CHRDL1: variants seen among roughly 807,000 people sequenced by gnomAD.
CHRDL1 encodes the protein chordin like 1, also known as chordin-like protein 1.
In CHRDL1, 19 loss-of-function variants were observed where a neutral mutation model predicts 40.9. The ratio of observed to expected loss-of-function variants is 0.46; its 90% CI spans 0.32 to 0.68. The LOEUF (loss-of-function observed/expected upper bound fraction) is 0.68. Ranked by LOEUF, CHRDL1 falls within the 30% of genes least tolerant of loss-of-function variation. The pLI is 0.03. For missense variants in CHRDL1, 329 were observed against 352.1 expected, an observed-to-expected ratio of 0.93 and a Z score of 0.53; for synonymous variants, 136 against 123.4, an observed-to-expected ratio of 1.10 and a Z score of -0.68.
rs1379917914 is a variant in CHRDL1, at chrX:110,676,184, CA to C, written c.*46del. 8.5e-7 allele frequency: 1 copy of C among 1,171,294 alleles called. No individual in the cohort carries two copies. The highest frequency in any genetic ancestry group is 1.1e-6 in the Non-Finnish European group (1 of 871,937). On this transcript the variant is annotated 3_prime_UTR_variant, in exon 12 of 12. Coordinates refer to ENST00000372042, the MANE Select transcript of CHRDL1 (RefSeq NM_001143981.2). The stretch of plus-strand genomic sequence containing the variant: ...GCAAAATAAGCCTGCAGTCCAGCTG[CA>C]GCTTGAGTTTTCTTGCTTTACCCTA...
intron 4 of CHRDL1, among the ~76,000 whole-genome samples, chrX:110,728,228 T>C (rs1441957516): frequency 9.5e-6 from 1 of 104,981 alleles, no homozygotes; most frequent in Non-Finnish European, 1.9e-5. Context: ...AAGATAAGAA[T>C]TGGGTGAGTG....
chrX:110,747,749 C>A (rs1160442430), intron 4 of CHRDL1, among the ~76,000 whole-genome samples: 1 of 112,399 alleles, frequency 8.9e-6, no homozygotes, highest in East Asian at 2.8e-4. Flanking sequence ...AGCACCACCC[C>A]CCAATGGAGG....
At chrX:110,767,099 A>T (rs188461136) in intron 2 of CHRDL1, among the ~76,000 whole-genome samples, 149 of 112,430 alleles carry the variant, frequency 1.3e-3, no homozygotes, top group African/African-American at 4.7e-3. Flanking sequence ...TCACATGATC[A>T]TCTCAATAGA....
At chrX:110,717,411 T>A (rs187697677) in intron 6 of CHRDL1, among the ~76,000 whole-genome samples, 2 of 111,961 alleles carry the variant, frequency 1.8e-5, no homozygotes, top group East Asian at 5.6e-4. Context: ...TAACTTGAGG[T>A]TAGACCATGA....
chrX:110,761,703 T>A (rs2089566724), intron 3 of CHRDL1, among the ~76,000 whole-genome samples: 2 of 111,956 alleles, frequency 1.8e-5, no homozygotes, highest in African/African-American at 6.5e-5. Flanking sequence ...CAAACAAATA[T>A]CTATAGTGCA....
chrX:110,791,782 T>C (rs1037545831), intron 2 of CHRDL1, among the ~76,000 whole-genome samples: 1 of 112,269 alleles, frequency 8.9e-6, no homozygotes, highest in Non-Finnish European at 1.9e-5. Flanking sequence ...CAGATATTTC[T>C]AGAGTTACGT....
At chrX:110,739,266 A>C (rs1348215364) in intron 4 of CHRDL1, among the ~76,000 whole-genome samples, 1 of 111,802 alleles carries the variant, frequency 8.9e-6, no homozygotes, top group Non-Finnish European at 1.9e-5. Flanking sequence ...CAAGACAAGT[A>C]TGCAGCGGAA....
chrX:110,776,956 G>A (rs1440351147), intron 2 of CHRDL1, among the ~76,000 whole-genome samples: 1 of 111,057 alleles, frequency 9.0e-6, no homozygotes, highest in Non-Finnish European at 1.9e-5. Flanking sequence ...GTATCAAAGA[G>A]AGCAATTTTA....
intron 6 of CHRDL1, 138 bp downstream of exon 6, chrX:110,719,697 T>C (rs1378215163): frequency 3.0e-6 from 1 of 335,839 alleles, no homozygotes; most frequent in Non-Finnish European, 5.2e-6. Context: ...TTCCCTTTGT[T>C]AATTAAACCA....
chrX:110,759,309 G>A (rs2089516495), intron 4 of CHRDL1, among the ~76,000 whole-genome samples: 1 of 112,000 alleles, frequency 8.9e-6, no homozygotes, highest in Admixed American at 9.4e-5. Context: ...AATTGTATAA[G>A]ACACATGCCG....
At chrX:110,725,660 T>A (rs1193519211) in intron 4 of CHRDL1, among the ~76,000 whole-genome samples, 1 of 111,942 alleles carries the variant, frequency 8.9e-6, no homozygotes, top group African/African-American at 3.2e-5. Flanking sequence ...AGTTCTTGGA[T>A]AGTCAGAAAA....
chrX:110,789,677 T>C (rs2090069047), intron 2 of CHRDL1, among the ~76,000 whole-genome samples: 1 of 111,914 alleles, frequency 8.9e-6, no homozygotes, highest in African/African-American at 3.2e-5. Flanking sequence ...TATCCTATTT[T>C]TGTAAAATAA....
chrX:110,683,556 A>C (rs1222827462), intron 9 of CHRDL1, among the ~76,000 whole-genome samples: 1 of 112,149 alleles, frequency 8.9e-6, no homozygotes, highest in Admixed American at 9.5e-5. Flanking sequence ...GGAGTATGTA[A>C]TTATGGAAAT....
chrX:110,762,321 T>C lies in CHRDL1; in HGVS notation c.207+374A>G, dbSNP rs757043665. ...AGATAGGGTCTTGTTCTGTCAACCATGCTGGAGTGCAGTGGTATAATCTCG... is the reference window on the plus strand; with the variant it reads ...AGATAGGGTCTTGTTCTGTCAACCACGCTGGAGTGCAGTGGTATAATCTCG... On this transcript the variant is annotated intron_variant, in intron 3 of 11. Coordinates refer to ENST00000372042, the MANE Select transcript of CHRDL1 (RefSeq NM_001143981.2). 2.7e-5 allele frequency among the ~76,000 whole-genome samples: 3 copies of C among 111,994 alleles called. No individual in the cohort carries two copies. In the South Asian group the frequency reaches 1.1e-3, roughly 42 times the overall value.
intron 8 of CHRDL1, among the ~76,000 whole-genome samples, chrX:110,692,104 T>C (rs750843457): frequency 1.2e-4 from 13 of 111,361 alleles, no homozygotes; most frequent in Non-Finnish European, 1.9e-4. Flanking sequence ...ACCACATTAT[T>C]AGCAAGAGAT....
At chrX:110,731,491 T>C (rs979085787) in intron 4 of CHRDL1, among the ~76,000 whole-genome samples, 3 of 111,457 alleles carry the variant, frequency 2.7e-5, no homozygotes, top group African/African-American at 9.8e-5. Flanking sequence ...CACTCCCAGG[T>C]ATATACACAA....
At chrX:110,769,971 T>C (rs746165091) in intron 2 of CHRDL1, among the ~76,000 whole-genome samples, 24 of 112,523 alleles carry the variant, frequency 2.1e-4, no homozygotes, top group Non-Finnish European at 3.0e-4. Context: ...CTCATATCAA[T>C]GATTGCTTCA....
At chrX:110,676,731 G>A (rs1010263663) in intron 11 of CHRDL1, among the ~76,000 whole-genome samples, 2 of 111,128 alleles carry the variant, frequency 1.8e-5, no homozygotes. Context: ...TTGGCACCAG[G>A]TCAAAAAGGC....
At chrX:110,705,321 A>ATAT (rs1556339484) in intron 6 of CHRDL1, among the ~76,000 whole-genome samples, 1 of 84,498 alleles carries the variant, frequency 1.2e-5, no homozygotes, top group African/African-American at 5.8e-5. Flanking sequence ...ACACATATAT[A>ATAT]TATACACACA....
Sources: allele counts gnomAD v4.1 joint callset (sites outside exome capture counted in the v4.1 genomes callset), GRCh38; gene constraint gnomAD v4.1.1; transcripts MANE v1.5; gene names NCBI Gene and HGNC (gene_info 2026-07-23, HGNC 2026-07-21).